The following PDE1C variants were observed in gnomAD, a reference collection of about 807,000 sequenced individuals.
PDE1C encodes the protein phosphodiesterase 1C, also known as dual specificity calcium/calmodulin-dependent 3',5'-cyclic nucleotide phosphodiesterase 1C.
Under a neutral mutation model 93.1 loss-of-function variants are expected in PDE1C, and 62 were observed. The ratio of observed to expected loss-of-function variants is 0.67; its 90% CI spans 0.54 to 0.82. The LOEUF (loss-of-function observed/expected upper bound fraction) is 0.82, where lower values mean the gene tolerates loss of function less well. Ranked by LOEUF, PDE1C falls within the 40% of genes least tolerant of loss-of-function variation. The probability of loss-of-function intolerance (pLI) is 0.00; values close to 1 mark genes in which losing one functional copy is unlikely to be tolerated. For synonymous variants in PDE1C, 325 were observed against 310.1 expected (o/e 1.05, Z -0.50); for missense variants, 742 against 884.6 (o/e 0.84, Z 2.04).
chr7:32,187,913 C>A (rs1012121412), intron 2 of PDE1C, among the ~76,000 whole-genome samples: 5 of 152,144 alleles, frequency 3.3e-5, no homozygotes, highest in Non-Finnish European at 5.9e-5. Flanking sequence ...TGCTTAATAG[C>A]CACATTATGC....
rs528788851 is a variant in PDE1C at position 32,280,666 on chromosome 7, T to C, written c.85+17985A>G. ...ACAGCCCTATCAAAAAGTCTAAAAATTTTCTAATGAAAACTGGCAAATTAA... is the reference window on the plus strand; with the variant it reads ...ACAGCCCTATCAAAAAGTCTAAAAACTTTCTAATGAAAACTGGCAAATTAA... On this transcript the variant is annotated intron_variant, in intron 1 of 18. Transcript: ENST00000396193. 8.7e-4 allele frequency among the ~76,000 whole-genome samples: 133 copies of C among 152,266 alleles called. 2 individuals are homozygous for C. In the Middle Eastern group the frequency reaches 0.01, roughly 12 times the overall value.
the PDE1C span, among the ~76,000 whole-genome samples, chr7:31,650,175 G>A: frequency 9.9e-5 from 15 of 152,158 alleles, no homozygotes; most frequent in Admixed American, 2.6e-4. Flanking sequence ...TGAGTTGTAA[G>A]AAATACATAT....
chr7:32,239,434 G>C (rs1397406870), intron 1 of PDE1C, among the ~76,000 whole-genome samples: 1 of 152,084 alleles, frequency 6.6e-6, no homozygotes, highest in Non-Finnish European at 1.5e-5. Context: ...ATACAAACCA[G>C]AGAGCAGAAG....
chr7:31,684,494 G>A, the PDE1C span, among the ~76,000 whole-genome samples: 2 of 152,030 alleles, frequency 1.3e-5, no homozygotes, highest in African/African-American at 2.4e-5. Context: ...AGCAAACTGG[G>A]AGAAAGTATT....
intron 3 of PDE1C, among the ~76,000 whole-genome samples, chr7:32,102,671 C>T (rs952320840): frequency 2.0e-5 from 3 of 152,230 alleles, no homozygotes; most frequent in Non-Finnish European, 4.4e-5. Flanking sequence ...CAGCATGGCA[C>T]ACTGCCAAAT....
the PDE1C span, among the ~76,000 whole-genome samples, chr7:31,697,693 C>T: frequency 3.9e-5 from 6 of 152,118 alleles, no homozygotes; most frequent in Non-Finnish European, 8.8e-5. Flanking sequence ...TAGAGTATGA[C>T]TCTGTGTGTA....
intron 9 of PDE1C, among the ~76,000 whole-genome samples, chr7:31,844,526 T>C (rs1295296827): frequency 6.6e-6 from 1 of 151,980 alleles, no homozygotes; most frequent in East Asian, 1.9e-4. Context: ...TCTACTGTGA[T>C]TCAACTTGTT....
intron 17 of PDE1C, among the ~76,000 whole-genome samples, chr7:31,765,796 T>C (rs1354909100): frequency 6.6e-6 from 1 of 152,166 alleles, no homozygotes; most frequent in Non-Finnish European, 1.5e-5. Context: ...TATTGGTACA[T>C]GGAGCTTGAT....
At chr7:31,701,925 A>G in the PDE1C span, among the ~76,000 whole-genome samples, 1 of 152,240 alleles carries the variant, frequency 6.6e-6, no homozygotes, top group African/African-American at 2.4e-5. Context: ...GGGAAACCAA[A>G]AAATTTGTAT....
intron 1 of PDE1C, among the ~76,000 whole-genome samples, chr7:32,365,298 T>C (rs1784209287): frequency 6.6e-6 from 1 of 152,106 alleles, no homozygotes; most frequent in Non-Finnish European, 1.5e-5. Context: ...CCACATCCTG[T>C]ACCTGAGTAG....
intron 2 of PDE1C, chr7:32,170,023 C>G (rs1481696324): frequency 1.5e-6 from 2 of 1,378,194 alleles, no homozygotes; most frequent in Admixed American, 1.9e-5. Flanking sequence ...CCTGCCTTCC[C>G]CAACTCAGGA....
rs376479298 is a variant in PDE1C at position 31,834,474 on chromosome 7, C to T, written c.1203+2706G>A. On this transcript the variant is annotated intron_variant, in intron 11 of 17. Transcript: ENST00000396191. ...GGAAAAGCCACAGGGACAGAGCTGC[C>T]CAAGACCATGAGAACCCATCTCTTG... 1.6e-3 allele frequency among the ~76,000 whole-genome samples: 242 copies of T among 152,178 alleles called. 5 individuals are homozygous for T. In the South Asian group the frequency reaches 0.048, roughly 30 times the overall value.
chr7:32,308,354 T>C (rs1368208209), intron 1 of PDE1C, among the ~76,000 whole-genome samples: 2 of 132,078 alleles, frequency 1.5e-5, no homozygotes, highest in Admixed American at 7.7e-5. Context: ...CAGACTTAAA[T>C]GTCCCTGTCT....
At chr7:31,652,790 T>C in the PDE1C span, 2 of 1,613,638 alleles carry the variant, frequency 1.2e-6, no homozygotes, top group African/African-American at 1.3e-5. Flanking sequence ...CTTTGTCAAA[T>C]TGTCCTGTTG....
chr7:31,748,085 C>T (rs1441140605), downstream of PDE1C, among the ~76,000 whole-genome samples: 1 of 152,152 alleles, frequency 6.6e-6, no homozygotes, highest in Non-Finnish European at 1.5e-5. Flanking sequence ...TCAAGTTAAA[C>T]TATAAACTAA....
chr7:32,216,897 CTGCAGCCTTTA>C (rs2128850477), intron 1 of PDE1C, among the ~76,000 whole-genome samples: 1 of 152,296 alleles, frequency 6.6e-6, no homozygotes, highest in South Asian at 2.1e-4. Context: ...AAGAGCCAGG[CTGCAGCCTTTA>C]TGCCTCTAGC....
intron 3 of PDE1C, among the ~76,000 whole-genome samples, chr7:32,130,770 A>T (rs1212222930): frequency 6.6e-6 from 1 of 152,108 alleles, no homozygotes; most frequent in African/African-American, 2.4e-5. Context: ...CACCATGCAC[A>T]TCATGTTGAA....
chr7:32,303,207 A>C (rs1562663723), upstream of PDE1C, among the ~76,000 whole-genome samples: 1 of 152,224 alleles, frequency 6.6e-6, no homozygotes, highest in Admixed American at 6.5e-5. Flanking sequence ...TATACTATAC[A>C]GTAGTCCCTT....
the PDE1C span, among the ~76,000 whole-genome samples, chr7:31,641,790 T>TAC: frequency 1.3e-5 from 2 of 152,162 alleles, no homozygotes; most frequent in Non-Finnish European, 1.5e-5. Context: ...TATGTATATA[T>TAC]ACACACACAC....
Sources: gnomAD v4.1 joint callset for allele counts (sites outside exome capture counted in the v4.1 genomes callset) on GRCh38, gnomAD v4.1.1 for gene constraint, MANE v1.5 for transcripts, NCBI Gene and HGNC (gene_info 2026-07-23, HGNC 2026-07-21) for gene names.